Variants in ZC3H12B observed in about 807,000 individuals in gnomAD.
The protein encoded by ZC3H12B is probable ribonuclease ZC3H12B.
ZC3H12B carries 7 observed loss-of-function variants against 43.9 expected under a neutral mutation model. The observed-to-expected ratio is 0.16, with a 90% CI of 0.09 to 0.30. The LOEUF is 0.30. Ranked by LOEUF, ZC3H12B falls within the 10% of genes least tolerant of loss-of-function variation. ZC3H12B has a pLI of 1.00. For missense variants in ZC3H12B, 475 were observed against 670.2 expected (o/e 0.71, Z 3.22); for synonymous variants, 222 against 241.7 (o/e 0.92, Z 0.76).
At chrX:65,063,330 G>A in the ZC3H12B span, among the ~76,000 whole-genome samples, 1 of 111,653 alleles carries the variant, frequency 9.0e-6, no homozygotes, top group Admixed American at 9.5e-5. Flanking sequence ...TTTGAGATAC[G>A]TTCCATCAGT....
At chrX:65,462,562 T>C (rs1374629527) in intron 3 of ZC3H12B, among the ~76,000 whole-genome samples, 1 of 112,028 alleles carries the variant, frequency 8.9e-6, no homozygotes, top group East Asian at 2.8e-4. Flanking sequence ...TTAAAAGTAA[T>C]GTTTTATTTG....
the ZC3H12B span, among the ~76,000 whole-genome samples, chrX:65,175,198 G>A: frequency 6.3e-5 from 7 of 111,468 alleles, no homozygotes; most frequent in African/African-American, 1.3e-4. Context: ...CTTACCCTCC[G>A]TGGGCTGCAC....
At chrX:65,043,484 TAA>T in the ZC3H12B span, among the ~76,000 whole-genome samples, 1 of 110,283 alleles carries the variant, frequency 9.1e-6, no homozygotes, top group Non-Finnish European at 1.9e-5. Context: ...TATAATTATA[TAA>T]GTTAATACAA....
the ZC3H12B span, among the ~76,000 whole-genome samples, chrX:65,114,026 T>TATATATATATATATATATATATA: frequency 6.1e-5 from 5 of 82,588 alleles, no homozygotes; most frequent in East Asian, 4.6e-4. Context: ...TATATATATA[T>TATATATATATATATATATATATA]TCATCTTTAG....
At chrX:65,404,356 C>CTTTT (rs1556128200) in intron 3 of ZC3H12B, among the ~76,000 whole-genome samples, 1 of 110,953 alleles carries the variant, frequency 9.0e-6, no homozygotes, top group African/African-American at 3.3e-5. Flanking sequence ...AGGAGTAAGT[C>CTTTT]TTTATCAATA....
At chrX:65,304,903 C>T in the ZC3H12B span, among the ~76,000 whole-genome samples, 1 of 110,967 alleles carries the variant, frequency 9.0e-6, no homozygotes, top group Middle Eastern at 4.9e-3. Context: ...AAGCTATAGA[C>T]GTGGAGAAAA....
chrX:65,174,405 G>A, the ZC3H12B span, among the ~76,000 whole-genome samples: 1 of 112,470 alleles, frequency 8.9e-6, no homozygotes, highest in Non-Finnish European at 1.9e-5. Context: ...CTGCTCTGAA[G>A]ATGTGCCAAG....
At chrX:65,375,020 C>CT (rs1368133014) in intron 2 of ZC3H12B, among the ~76,000 whole-genome samples, 3 of 111,587 alleles carry the variant, frequency 2.7e-5, no homozygotes, top group Non-Finnish European at 5.6e-5. Context: ...ATATCAGGCA[C>CT]TGAAGTGGGT....
chrX:65,302,825 CA>C, the ZC3H12B span, among the ~76,000 whole-genome samples: 1 of 111,681 alleles, frequency 9.0e-6, no homozygotes, highest in African/African-American at 3.2e-5. Context: ...TTTAGTGGAA[CA>C]GAATGGAAAA....
chrX:65,455,737 G>A (rs940424106), intron 3 of ZC3H12B, among the ~76,000 whole-genome samples: 7 of 111,829 alleles, frequency 6.3e-5, no homozygotes, highest in Non-Finnish European at 1.3e-4. Flanking sequence ...GAAAAGTCGG[G>A]TTACCCACAA....
chrX:65,078,455 C>T, the ZC3H12B span, among the ~76,000 whole-genome samples: 7 of 111,809 alleles, frequency 6.3e-5, no homozygotes, highest in East Asian at 8.5e-4. Context: ...GTAGGAGGAA[C>T]ATAAGAAGAA....
chrX:65,372,518 AAG>A (rs2066261014), intron 2 of ZC3H12B, among the ~76,000 whole-genome samples: 1 of 99,963 alleles, frequency 1.0e-5, no homozygotes, highest in African/African-American at 3.7e-5. Flanking sequence ...GGAAGGAAGG[AAG>A]GAAGGAAGGA....
chrX:65,384,859 G>A (rs1489089271), intron 2 of ZC3H12B, among the ~76,000 whole-genome samples: 5 of 110,484 alleles, frequency 4.5e-5, no homozygotes, highest in Non-Finnish European at 9.6e-5. Context: ...ACAGGAGTTG[G>A]AACATATGGC....
At chrX:65,364,118 G>A (rs138366055), upstream of ZC3H12B, among the ~76,000 whole-genome samples, 2,147 of 110,565 alleles carry the variant, frequency 0.019, 54 homozygotes, top group African/African-American at 0.068. Context: ...AGGCCTAATC[G>A]CTACACACCA....
chrX:65,310,914 A>T, the ZC3H12B span, among the ~76,000 whole-genome samples: 98 of 112,466 alleles, frequency 8.7e-4, no homozygotes, highest in Non-Finnish European at 1.1e-3. Context: ...CCTATTTAAT[A>T]AATGATGCTG....
At chrX:65,164,367 A>T in the ZC3H12B span, among the ~76,000 whole-genome samples, 1 of 111,385 alleles carries the variant, frequency 9.0e-6, no homozygotes, top group Admixed American at 9.6e-5. Context: ...TCAGAATGCA[A>T]GATCTGAAAA....
chrX:65,382,567 A>C (rs753038109), intron 2 of ZC3H12B, among the ~76,000 whole-genome samples: 4 of 110,750 alleles, frequency 3.6e-5, no homozygotes, highest in African/African-American at 1.3e-4. Flanking sequence ...CTCTCTCACC[A>C]CTCCTATTCA....
At chrX:65,387,698 T>G (rs1447250337) in intron 2 of ZC3H12B, among the ~76,000 whole-genome samples, 1 of 112,198 alleles carries the variant, frequency 8.9e-6, no homozygotes, top group Admixed American at 9.4e-5. Context: ...GTTAGCTGGT[T>G]ATTTTGCTCC....
intron 3 of ZC3H12B, among the ~76,000 whole-genome samples, chrX:65,443,580 G>A (rs1199195990): frequency 7.1e-5 from 8 of 112,606 alleles, no homozygotes; most frequent in Admixed American, 1.9e-4. Context: ...TCCCTTAAGG[G>A]AAATGAAAGG....
Sources: allele counts gnomAD v4.1 joint callset (sites outside exome capture counted in the v4.1 genomes callset), GRCh38; gene constraint gnomAD v4.1.1; transcripts MANE v1.5; gene names NCBI Gene and HGNC (gene_info 2026-07-23, HGNC 2026-07-21).